The following MPPED1 variants were observed in gnomAD, a reference collection of about 807,000 sequenced individuals.
MPPED1 encodes the protein metallophosphoesterase domain-containing protein 1.
Under a neutral mutation model 36.2 loss-of-function variants are expected in MPPED1, and 16 were observed. The ratio of observed to expected loss-of-function variants is 0.44; its 90% CI spans 0.30 to 0.67. The LOEUF (loss-of-function observed/expected upper bound fraction) is 0.67, where lower values mean the gene tolerates loss of function less well. MPPED1 is among the 30% of genes least tolerant of loss of function. The pLI, the probability that MPPED1 is intolerant of heterozygous loss-of-function variation, is 0.10. For missense variants in MPPED1, 307 were observed against 453.4 expected (o/e 0.68, Z 2.93); for synonymous variants, 199 against 191.3 (o/e 1.04, Z -0.33).
At chr22:43,468,946 G>A (rs973675622) in intron 3 of MPPED1, among the ~76,000 whole-genome samples, 1 of 152,196 alleles carries the variant, frequency 6.6e-6, no homozygotes, top group Non-Finnish European at 1.5e-5. Context: ...ACCAAGGCAA[G>A]CACAGCCCCC....
At chr22:43,470,285 ACCAT>A (rs1256789093) in intron 3 of MPPED1, among the ~76,000 whole-genome samples, 2 of 144,558 alleles carry the variant, frequency 1.4e-5, no homozygotes, top group Admixed American at 6.8e-5. Flanking sequence ...CTATCTATAA[ACCAT>A]CCATTCATCC....
chr22:43,427,895 G>A (rs945176612), intron 2 of MPPED1, among the ~76,000 whole-genome samples: 1 of 152,162 alleles, frequency 6.6e-6, no homozygotes, highest in Non-Finnish European at 1.5e-5. Flanking sequence ...ATTCTCAGTG[G>A]AGGAAACAGC....
At chr22:43,433,649 C>G (rs1047932134) in intron 2 of MPPED1, among the ~76,000 whole-genome samples, 3 of 151,752 alleles carry the variant, frequency 2.0e-5, no homozygotes, top group South Asian at 4.2e-4. Flanking sequence ...GAGGCTGGCT[C>G]GGCGCCTCCG....
intron 5 of MPPED1, among the ~76,000 whole-genome samples, chr22:43,499,681 T>A (rs1336672984): frequency 1.7e-5 from 2 of 119,944 alleles, no homozygotes; most frequent in African/African-American, 3.4e-5. Context: ...GGGGTGATGG[T>A]GGTGATGGTG....
chr22:43,413,657 C>A (rs932783606), intron 1 of MPPED1, among the ~76,000 whole-genome samples: 13 of 152,306 alleles, frequency 8.5e-5, no homozygotes, highest in African/African-American at 3.1e-4. Flanking sequence ...TGATAAACTG[C>A]GCTTCACCGT....
rs112595775 is a variant in MPPED1 at position 43,438,420 on chromosome 22, G to A, written c.406+3205G>A. Among the ~76,000 whole-genome samples the A allele has an allele frequency of 8.7e-3, 1,320 of 152,294 alleles. 12 individuals are homozygous for A. Among genetic ancestry groups the A allele is most frequent in the Non-Finnish European group, 0.013 (888 of 68,004 alleles). On this transcript the variant is annotated intron_variant, in intron 3 of 6. Transcript: ENST00000443721. ...AGTGTTGGGAAGTGGGAGAAGCAGG[G>A]CAGTGGGGCAGGCACTGGTCCACAC...
intron 3 of MPPED1, among the ~76,000 whole-genome samples, chr22:43,462,080 G>A (rs188700348): frequency 6.6e-6 from 1 of 152,262 alleles, no homozygotes; most frequent in African/African-American, 2.4e-5. Flanking sequence ...GAATCTCGGA[G>A]GAATCAGCCA....
intron 4 of MPPED1, among the ~76,000 whole-genome samples, chr22:43,477,654 AG>A (rs1186188954): frequency 6.6e-6 from 1 of 152,200 alleles, no homozygotes; most frequent in African/African-American, 2.4e-5. Context: ...GGGGAGGTGC[AG>A]GGCTGTCTCA....
At chr22:43,432,886 AAAGGGAGGAGAGAGAGAGGGAAAGAG>A (rs1929804673) in intron 2 of MPPED1, among the ~76,000 whole-genome samples, 1 of 68,566 alleles carries the variant, frequency 1.5e-5, no homozygotes, top group Admixed American at 1.7e-4. Flanking sequence ...AGGGAAAGAG[AAAGGGAGGAGAGAGAGAGGGAAAGAG>A]AAAGGGAGGA....
At chr22:43,482,633 T>C (rs1931784809) in intron 4 of MPPED1, among the ~76,000 whole-genome samples, 1 of 152,214 alleles carries the variant, frequency 6.6e-6, no homozygotes. Context: ...CCCTTGGGAT[T>C]GAAGGAGGTC....
At chr22:43,440,069 C>A in intron 3 of MPPED1, among the ~76,000 whole-genome samples, 1 of 152,248 alleles carries the variant, frequency 6.6e-6, no homozygotes, top group East Asian at 1.9e-4. Flanking sequence ...CCAGCGCCAG[C>A]CAGCGGAGCC....
At chr22:43,467,737 G>C (rs557475989) in intron 3 of MPPED1, among the ~76,000 whole-genome samples, 2 of 152,050 alleles carry the variant, frequency 1.3e-5, no homozygotes, top group Non-Finnish European at 2.9e-5. Flanking sequence ...TGTGTTCTGC[G>C]AGATGGGAAT....
chr22:43,452,685 A>G (rs757604585), intron 3 of MPPED1, among the ~76,000 whole-genome samples: 1 of 152,226 alleles, frequency 6.6e-6, no homozygotes, highest in South Asian at 2.1e-4. Context: ...GCTGGAGTGC[A>G]GTGGCATGAT....
At chr22:43,493,772 T>C (rs1052270979) in intron 4 of MPPED1, among the ~76,000 whole-genome samples, 1 of 152,170 alleles carries the variant, frequency 6.6e-6, no homozygotes, top group Non-Finnish European at 1.5e-5. Context: ...AATTTTCTCA[T>C]CTACAAACCA....
intron 3 of MPPED1, among the ~76,000 whole-genome samples, chr22:43,456,644 A>G (rs1000294469): frequency 1.3e-5 from 2 of 152,178 alleles, no homozygotes; most frequent in Non-Finnish European, 2.9e-5. Context: ...ACAGATGTGC[A>G]GCACCATGCC....
intron 1 of MPPED1, among the ~76,000 whole-genome samples, chr22:43,414,909 C>T (rs1360655380): frequency 1.3e-5 from 2 of 152,166 alleles, no homozygotes; most frequent in Non-Finnish European, 2.9e-5. Context: ...CTCAGGCTCC[C>T]TCCGTACCCA....
At chr22:43,462,124 A>T (rs1161641798) in intron 3 of MPPED1, among the ~76,000 whole-genome samples, 1 of 152,148 alleles carries the variant, frequency 6.6e-6, no homozygotes, top group Non-Finnish European at 1.5e-5. Flanking sequence ...TCTTTCCATC[A>T]ACCTTAATTG....
At chr22:43,475,026 G>T (rs574828098) in intron 4 of MPPED1, 65 bp downstream of exon 4, 25 of 1,475,024 alleles carry the variant, frequency 1.7e-5, no homozygotes, top group Middle Eastern at 1.7e-4. Flanking sequence ...AGCGCAGGGG[G>T]TGTAGGGGAT....
In MPPED1 at chr22:43,426,559, C is replaced by T. The variant is rs541802999; in HGVS notation, c.224+1350C>T. ...TTGTGGCATCCCAGCCGCTGTCCCT[C>T]GGACCACTCGGAGAAGGAGTTGACG... On this transcript the variant is annotated intron_variant, in intron 2 of 6. Transcript: ENST00000443721. Among the ~76,000 whole-genome samples, 10 of 152,314 alleles carry T rather than the reference C, an allele frequency of 6.6e-5. No individual in the cohort carries two copies. The South Asian group carries it at 1.0e-3, about 16-fold the overall frequency.
Sources: gnomAD v4.1 joint callset for allele counts (sites outside exome capture counted in the v4.1 genomes callset) on GRCh38, gnomAD v4.1.1 for gene constraint, MANE v1.5 for transcripts, NCBI Gene and HGNC (gene_info 2026-07-23, HGNC 2026-07-21) for gene names.